The following DPP10 variants were observed in gnomAD, a reference collection of about 807,000 sequenced individuals.
DPP10 encodes dipeptidyl peptidase like 10.
A neutral mutation model predicts 120.9 loss-of-function variants in DPP10; 33 were observed. The observed-to-expected ratio is 0.27, with a 90% CI of 0.21 to 0.37. The LOEUF is 0.37. Among genes scored for constraint, DPP10 ranks in the 10% least tolerant of loss-of-function variants. DPP10 has a pLI of 1.00. For synonymous variants in DPP10, 337 were observed against 326.1 expected (o/e 1.03, Z -0.36); for missense variants, 816 against 942.8 (o/e 0.87, Z 1.76).
At chr2:115,470,956 A>G (rs1193839645) in intron 3 of DPP10, among the ~76,000 whole-genome samples, 1 of 152,122 alleles carries the variant, frequency 6.6e-6, no homozygotes, top group Non-Finnish European at 1.5e-5. Flanking sequence ...TTTCCAGAAG[A>G]GCTTTCAACT....
chr2:115,211,800 TAGATAAACTA>T (rs1292044700), intron 1 of DPP10, among the ~76,000 whole-genome samples: 1 of 152,170 alleles, frequency 6.6e-6, no homozygotes, highest in Non-Finnish European at 1.5e-5. Context: ...AATACAATGG[TAGATAAACTA>T]AGTTAGAGAT....
intron 1 of DPP10, among the ~76,000 whole-genome samples, chr2:115,006,976 C>T (rs1369353069): frequency 6.6e-6 from 1 of 152,036 alleles, no homozygotes; most frequent in African/African-American, 2.4e-5. Context: ...AAGTAAAGCT[C>T]TCCTCAGCAA....
chr2:115,261,189 T>G (rs1008745630), intron 1 of DPP10, among the ~76,000 whole-genome samples: 1 of 152,174 alleles, frequency 6.6e-6, no homozygotes, highest in Non-Finnish European at 1.5e-5. Flanking sequence ...CATTCTAACT[T>G]GCATCATGGA....
intron 1 of DPP10, among the ~76,000 whole-genome samples, chr2:114,985,776 T>G (rs900859223): frequency 6.6e-6 from 1 of 152,246 alleles, no homozygotes; most frequent in African/African-American, 2.4e-5. Context: ...TGTCCATCTA[T>G]CTATCAATCA....
intron 1 of DPP10, among the ~76,000 whole-genome samples, chr2:114,865,038 A>C (rs1380978333): frequency 1.3e-5 from 2 of 152,262 alleles, no homozygotes; most frequent in African/African-American, 2.4e-5. Context: ...TAGATTTGAA[A>C]AGTGGGGATG....
chr2:115,711,399 C>G (rs1559060351), intron 7 of DPP10, among the ~76,000 whole-genome samples: 2 of 152,042 alleles, frequency 1.3e-5, no homozygotes, highest in Non-Finnish European at 2.9e-5. Context: ...GCTACAGTGG[C>G]TACGTATTTG....
At chr2:115,670,539 A>C (rs2089792969) in intron 5 of DPP10, among the ~76,000 whole-genome samples, 1 of 152,094 alleles carries the variant, frequency 6.6e-6, no homozygotes, top group South Asian at 2.1e-4. Flanking sequence ...GTAGGTTGCA[A>C]TTTTGAGAGG....
chr2:115,841,175 T>C (rs1690103298), intron 25 of DPP10, among the ~76,000 whole-genome samples: 2 of 151,914 alleles, frequency 1.3e-5, no homozygotes, highest in Admixed American at 1.3e-4. Flanking sequence ...TTTTGTCTTG[T>C]TCCTTTGTCT....
chr2:114,913,414 G>A (rs1224333718), intron 1 of DPP10, among the ~76,000 whole-genome samples: 1 of 152,218 alleles, frequency 6.6e-6, no homozygotes. Context: ...GCATAACCTC[G>A]AGGGGCCAGA....
At chr2:115,395,055 A>G (rs969773807) in intron 3 of DPP10, among the ~76,000 whole-genome samples, 12 of 152,158 alleles carry the variant, frequency 7.9e-5, no homozygotes, top group African/African-American at 2.9e-4. Flanking sequence ...CTTCACCTCT[A>G]TGTGATTTGT....
intron 5 of DPP10, among the ~76,000 whole-genome samples, chr2:115,561,755 G>GT (rs1188816200): frequency 2.0e-5 from 3 of 152,200 alleles, no homozygotes; most frequent in African/African-American, 7.2e-5. Flanking sequence ...ATCTTTTTAA[G>GT]TTTTTTTAAA....
chr2:115,827,343 A>ATG (rs368090225), intron 21 of DPP10, among the ~76,000 whole-genome samples: 13 of 95,198 alleles, frequency 1.4e-4, no homozygotes, highest in Admixed American at 2.2e-4. Flanking sequence ...GTATATGTAT[A>ATG]TATATGTACA....
intron 2 of DPP10, among the ~76,000 whole-genome samples, chr2:115,336,933 T>G (rs553972837): frequency 6.6e-6 from 1 of 152,152 alleles, no homozygotes; most frequent in East Asian, 1.9e-4. Flanking sequence ...AGAAAATTAT[T>G]TAAATGTATC....
At chr2:115,489,612 G>A (rs1222870561) in intron 3 of DPP10, among the ~76,000 whole-genome samples, 14 of 147,856 alleles carry the variant, frequency 9.5e-5, no homozygotes, top group African/African-American at 2.5e-4. Flanking sequence ...TAAAACTGGC[G>A]CTTTTTTTTT....
At chr2:115,383,701 T>G (rs989376920) in intron 3 of DPP10, among the ~76,000 whole-genome samples, 22 of 152,132 alleles carry the variant, frequency 1.4e-4, no homozygotes, top group African/African-American at 4.3e-4. Flanking sequence ...AATAATTTGA[T>G]TTATAATGTG....
At chr2:115,104,480 T>G (rs2048851725) in intron 1 of DPP10, among the ~76,000 whole-genome samples, 1 of 152,178 alleles carries the variant, frequency 6.6e-6, no homozygotes. Flanking sequence ...ATAATTTCAT[T>G]TATATATAGG....
intron 3 of DPP10, among the ~76,000 whole-genome samples, chr2:115,382,667 A>C (rs1337231963): frequency 6.6e-6 from 1 of 152,120 alleles, no homozygotes; most frequent in Non-Finnish European, 1.5e-5. Context: ...GGTATGAGGT[A>C]AAAGTAGGGA....
At chr2:115,155,565 T>C (rs2051855419) in intron 1 of DPP10, among the ~76,000 whole-genome samples, 1 of 152,228 alleles carries the variant, frequency 6.6e-6, no homozygotes, top group Non-Finnish European at 1.5e-5. Flanking sequence ...ATATCTGTAA[T>C]AGATTCCTCC....
intron 1 of DPP10, among the ~76,000 whole-genome samples, chr2:114,678,966 C>T (rs1003472416): frequency 1.3e-5 from 2 of 152,034 alleles, no homozygotes; most frequent in Non-Finnish European, 2.9e-5. Flanking sequence ...CTTTTCTCAG[C>T]AGGTTGTTTC....
Sources: gnomAD v4.1 joint callset for allele counts (sites outside exome capture counted in the v4.1 genomes callset) on GRCh38, gnomAD v4.1.1 for gene constraint, MANE v1.5 for transcripts, NCBI Gene and HGNC (gene_info 2026-07-23, HGNC 2026-07-21) for gene names.